Variants in ARL15 observed in about 807,000 individuals in gnomAD.
The protein encoded by ARL15 is ADP-ribosylation factor-like protein 15.
ARL15 carries 19 observed loss-of-function variants against 25.2 expected under a neutral mutation model. The observed-to-expected ratio is 0.75, with a 90% CI of 0.53 to 1.10. The LOEUF is 1.10. ARL15 is among the 50% of genes least tolerant of loss of function. The pLI is 0.00. For missense variants in ARL15, 220 were observed against 246.0 expected, an observed-to-expected ratio of 0.89 and a Z score of 0.71; for synonymous variants, 94 against 86.8, an observed-to-expected ratio of 1.08 and a Z score of -0.46.
At chr5:53,910,800 T>G (rs1349067320) in intron 4 of ARL15, among the ~76,000 whole-genome samples, 8 of 151,506 alleles carry the variant, frequency 5.3e-5, no homozygotes, top group Non-Finnish European at 1.2e-4. Context: ...CTTTCGTTTT[T>G]CAAAAACCCA....
intron 4 of ARL15, among the ~76,000 whole-genome samples, chr5:54,060,332 G>A (rs546307676): frequency 6.6e-6 from 1 of 152,244 alleles, no homozygotes; most frequent in East Asian, 1.9e-4. Flanking sequence ...AGGAGGCTGA[G>A]GCAGGAGAAT....
chr5:53,965,343 T>C (rs983670215), intron 4 of ARL15, among the ~76,000 whole-genome samples: 3 of 152,322 alleles, frequency 2.0e-5, no homozygotes, highest in East Asian at 1.9e-4. Flanking sequence ...CTGCAACTCA[T>C]AGTGTAAGCA....
intron 3 of ARL15, among the ~76,000 whole-genome samples, chr5:54,144,431 T>C (rs1311727550): frequency 1.3e-5 from 2 of 152,196 alleles, no homozygotes; most frequent in Admixed American, 6.5e-5. Context: ...GTGAGTTGTA[T>C]TAATGACCAT....
chr5:53,921,028 A>G (rs933524826), intron 4 of ARL15, among the ~76,000 whole-genome samples: 4 of 152,210 alleles, frequency 2.6e-5, no homozygotes, highest in African/African-American at 7.2e-5. Context: ...TTGAATAACT[A>G]CAAGGAGCAG....
At chr5:54,137,047 C>A (rs1478505971) in intron 3 of ARL15, among the ~76,000 whole-genome samples, 1 of 151,530 alleles carries the variant, frequency 6.6e-6, no homozygotes, top group African/African-American at 2.4e-5. Flanking sequence ...CAGTAGATAA[C>A]CTTTTTTTTT....
intron 4 of ARL15, among the ~76,000 whole-genome samples, chr5:53,998,464 C>G (rs1424670860): frequency 4.6e-5 from 7 of 152,062 alleles, no homozygotes; most frequent in African/African-American, 1.7e-4. Context: ...TTTAGCATAC[C>G]TTTAAGTGGC....
chr5:54,128,801 G>A (rs2112269625), intron 3 of ARL15, among the ~76,000 whole-genome samples: 1 of 151,264 alleles, frequency 6.6e-6, no homozygotes, highest in South Asian at 2.1e-4. Flanking sequence ...CACCTCCCAG[G>A]TTCAAGTGAT....
chr5:54,071,514 C>G (rs1166360278), intron 4 of ARL15, among the ~76,000 whole-genome samples: 199 of 18,104 alleles, frequency 0.011, 6 homozygotes, highest in East Asian at 0.084. Context: ...CGCCTTTCCC[C>G]CCCCCCCCCC....
intron 4 of ARL15, among the ~76,000 whole-genome samples, chr5:53,953,694 G>A (rs951554748): frequency 5.9e-5 from 9 of 152,122 alleles, no homozygotes; most frequent in Admixed American, 4.6e-4. Context: ...TAATGCCGAC[G>A]CCTGAAGGAA....
chr5:54,206,003 C>G (rs1297635984), intron 1 of ARL15, among the ~76,000 whole-genome samples: 1 of 152,134 alleles, frequency 6.6e-6, no homozygotes, highest in Admixed American at 6.6e-5. Flanking sequence ...CCTCCACCCC[C>G]AGAATCTGTA....
In ARL15 at chr5:54,233,386, A is replaced by C. The variant is rs191577759; in HGVS notation, c.49-61458T>G. 3.5e-3 allele frequency among the ~76,000 whole-genome samples: 532 copies of C among 152,356 alleles called. 1 individual carries two copies. The highest frequency in any genetic ancestry group is 5.7e-3 in the Non-Finnish European group (388 of 68,034). ...ATGAAGTGGGCATGTCAATTCAAGG[A>C]AAACAACTGTTAGTATTTGTTGCCA... On this transcript the variant is annotated intron_variant, in intron 1 of 4. Coordinates refer to ENST00000504924, the MANE Select transcript of ARL15 (RefSeq NM_019087.3).
chr5:54,197,600 T>C (rs373389679), intron 1 of ARL15, among the ~76,000 whole-genome samples: 1 of 152,166 alleles, frequency 6.6e-6, no homozygotes, highest in African/African-American at 2.4e-5. Context: ...CATTCAGCTA[T>C]TTTAAAAGGC....
At position 54,008,439 on chromosome 5, in the gene ARL15, TACAA is replaced by T. The variant is rs775496349; in HGVS notation, c.462+104759_462+104762del. On this transcript the variant is annotated intron_variant, in intron 4 of 4. Coordinates refer to ENST00000504924, the MANE Select transcript of ARL15 (RefSeq NM_019087.3). ...ATTATGTTATCCAAAATTTTAAAAA[TACAA>T]ACAAACACTTTTCATAACAAAAGTT... Among the ~76,000 whole-genome samples, 57 of 152,322 alleles carry T rather than the reference TACAA, an allele frequency of 3.7e-4. 1 individual carries two copies. Among genetic ancestry groups the T allele is most frequent in the Non-Finnish European group, 6.8e-4 (46 of 68,024 alleles).
intron 4 of ARL15, among the ~76,000 whole-genome samples, chr5:53,959,246 T>C (rs991057490): frequency 1.3e-5 from 2 of 152,230 alleles, no homozygotes; most frequent in Non-Finnish European, 2.9e-5. Flanking sequence ...TTCAAATAAA[T>C]GTGCTGGCTA....
At chr5:54,084,382 G>C (rs1399864352) in intron 4 of ARL15, among the ~76,000 whole-genome samples, 1 of 148,178 alleles carries the variant, frequency 6.7e-6, no homozygotes, top group African/African-American at 2.5e-5. Flanking sequence ...AGGGGTGGAG[G>C]AGTAGGATAC....
At chr5:53,906,464 T>C (rs1031827095) in intron 4 of ARL15, among the ~76,000 whole-genome samples, 52 of 151,970 alleles carry the variant, frequency 3.4e-4, no homozygotes, top group African/African-American at 1.2e-3. Context: ...TGGAAGCAAT[T>C]AAGAGGTACA....
chr5:54,079,966 G>GTCAC, intron 4 of ARL15, among the ~76,000 whole-genome samples: 1 of 90,742 alleles, frequency 1.1e-5, no homozygotes, highest in East Asian at 3.7e-4. Flanking sequence ...GTGAGACTCC[G>GTCAC]TCACACACAC....
chr5:53,925,324 T>C (rs1745985521), intron 4 of ARL15, among the ~76,000 whole-genome samples: 1 of 152,084 alleles, frequency 6.6e-6, no homozygotes, highest in Admixed American at 6.5e-5. Flanking sequence ...GCCTCCCTCG[T>C]AGCTGGGACC....
chr5:54,228,310 G>C (rs1007579331), intron 1 of ARL15, among the ~76,000 whole-genome samples: 3 of 152,116 alleles, frequency 2.0e-5, no homozygotes, highest in African/African-American at 7.2e-5. Flanking sequence ...GGTTCCCTGA[G>C]ATACATACTG....
Sources: allele counts gnomAD v4.1 joint callset (sites outside exome capture counted in the v4.1 genomes callset), GRCh38; gene constraint gnomAD v4.1.1; transcripts MANE v1.5; gene names NCBI Gene and HGNC (gene_info 2026-07-23, HGNC 2026-07-21).